NSD2: variants seen among roughly 807,000 people sequenced by gnomAD.
The protein encoded by NSD2 is histone-lysine N-methyltransferase NSD2.
A neutral mutation model predicts 139.0 loss-of-function variants in NSD2; 12 were observed. That is an observed-to-expected ratio of 0.09 (90% CI 0.06 to 0.14). NSD2 has a LOEUF of 0.14. NSD2 is among the 10% of genes least tolerant of loss of function. The probability of loss-of-function intolerance (pLI) is 1.00; values close to 1 mark genes in which losing one functional copy is unlikely to be tolerated. For synonymous variants in NSD2, 669 were observed against 648.7 expected (o/e 1.03, Z -0.48); for missense variants, 1,155 against 1,745.0 (o/e 0.66, Z 6.02).
chr4:1,886,427 G>C (rs1715116092), intron 1 of NSD2, among the ~76,000 whole-genome samples: 1 of 152,126 alleles, frequency 6.6e-6, no homozygotes, highest in African/African-American at 2.4e-5. Context: ...GGCTGGTCTT[G>C]AACTCCTGGC....
chr4:1,907,519 T>A (rs1372446013), intron 3 of NSD2, among the ~76,000 whole-genome samples: 2 of 152,000 alleles, frequency 1.3e-5, no homozygotes, highest in South Asian at 2.1e-4. Context: ...TAATCTATTT[T>A]AAAAACTTTC....
At chr4:1,964,317 A>T (rs565529207) in intron 18 of NSD2, among the ~76,000 whole-genome samples, 1 of 152,264 alleles carries the variant, frequency 6.6e-6, no homozygotes, top group South Asian at 2.1e-4. Flanking sequence ...CTGTGTCCCC[A>T]CCTAGACCAC....
At chr4:1,871,849 T>TGCGGGCG (rs1713797883) in intron 1 of NSD2, among the ~76,000 whole-genome samples, 1 of 95,094 alleles carries the variant, frequency 1.1e-5, no homozygotes, top group Non-Finnish European at 2.2e-5. Context: ...GGCGGCGGCC[T>TGCGGGCG]GCGGGCGGCG....
chr4:1,941,007 T>A, intron 9 of NSD2: 1 of 1,058,022 alleles, frequency 9.5e-7, no homozygotes, highest in Non-Finnish European at 1.1e-6. Context: ...TACAGTTTGA[T>A]ACGTGTAGAT....
Position 1,974,038 on chromosome 4 carries a change from C to T in NSD2, c.3373-825C>T, listed in dbSNP as rs58262875. On this transcript the variant is annotated intron_variant, in intron 18 of 21. Transcript: ENST00000508803. The surrounding 1 kb of genome is among the most constrained non-coding windows in gnomAD (Gnocchi z 4.0). ...CGTGGCCCTTATCAGGTTGCTGCCTCGAAAGCCTTCCTGCCGGCCCTGCAG... is the reference window on the plus strand; with the variant it reads ...CGTGGCCCTTATCAGGTTGCTGCCTTGAAAGCCTTCCTGCCGGCCCTGCAG... 2.9e-3 allele frequency among the ~76,000 whole-genome samples: 439 copies of T among 152,224 alleles called. 1 individual carries two copies. The highest frequency in any genetic ancestry group is 1.0e-2 in the African/African-American group (415 of 41,528).
In NSD2 at chr4:1,942,810, C is replaced by T. The variant is rs1723234238; in HGVS notation, c.1881+3032C>T. ...GTCGCTACCCTCAGAAACAAACTAA[C>T]AGCACACGTTAGGAGGAGTCCTCAT... is the stretch of plus-strand genomic sequence containing the variant. On this transcript the variant is annotated intron_variant, in intron 9 of 21. Transcript: ENST00000508803. The surrounding 1 kb of genome is among the most constrained non-coding windows in gnomAD (Gnocchi z 4.0). The T allele has an allele frequency of 9.3e-7, 1 of 1,076,020 alleles. No homozygotes were observed. Among genetic ancestry groups the T allele is most frequent in the African/African-American group, 1.6e-5 (1 of 61,162 alleles). The allele number at this position is 1,076,020 out of a possible 1,614,324, so 66.7% of individuals were successfully genotyped here.
chr4:1,956,703 CACTGGAGGA>C lies in NSD2; in HGVS notation c.2881+530_2881+538del, dbSNP rs371640889. Among the ~76,000 whole-genome samples the C allele has an allele frequency of 2.0e-4, 31 of 152,284 alleles. No individual in the cohort carries two copies. Among genetic ancestry groups the C allele is most frequent in the African/African-American group, 5.8e-4 (24 of 41,552 alleles). On this transcript the variant is annotated intron_variant, in intron 15 of 21. Transcript: ENST00000508803. The surrounding 1 kb of genome is among the most constrained non-coding windows in gnomAD (Gnocchi z 5.3). Reference sequence around the variant, plus strand: ...GAGGCAGGATGGGGATGTGACCCTTCACTGGAGGAACTGGAGGAACTGGTATTTATGATC... The same window carrying C: ...GAGGCAGGATGGGGATGTGACCCTTCACTGGAGGAACTGGTATTTATGATC...
chr4:1,918,880 GCT>G lies in NSD2; in HGVS notation c.1410+259_1410+260del, dbSNP rs1172609716. On this transcript the variant is annotated intron_variant, in intron 5 of 21. Transcript: ENST00000508803. ...TACCGAGAACAGGCCAGGCACAGTGGCTCATGCCTGTAATTTCAGTACTTTGG... is the reference window on the plus strand; with the variant it reads ...TACCGAGAACAGGCCAGGCACAGTGGCATGCCTGTAATTTCAGTACTTTGG... 20 of 366,562 alleles carry G rather than the reference GCT, an allele frequency of 5.5e-5. No individual in the cohort carries two copies. The East Asian group carries it at 1.0e-3, about 19-fold the overall frequency. The allele number at this position is 366,562 out of a possible 1,614,324, so 22.7% of individuals were successfully genotyped here.
chr4:1,924,614 TAAA>T (rs1452035703), intron 5 of NSD2, among the ~76,000 whole-genome samples: 2 of 151,996 alleles, frequency 1.3e-5, no homozygotes, highest in African/African-American at 4.8e-5. Flanking sequence ...GGTATACAGT[TAAA>T]ACTGAGTTCT....
intron 18 of NSD2, among the ~76,000 whole-genome samples, chr4:1,964,046 A>C (rs151337221): frequency 6.6e-6 from 1 of 152,302 alleles, no homozygotes; most frequent in Non-Finnish European, 1.5e-5. Flanking sequence ...ACGTTTACAA[A>C]GCGCAATAGA....
intron 9 of NSD2, chr4:1,944,846 C>T (rs1025996312): frequency 9.4e-6 from 10 of 1,063,518 alleles, no homozygotes; most frequent in Non-Finnish European, 1.1e-5. Context: ...ATACTGACTC[C>T]AGGTGTAGTT....
intron 18 of NSD2, among the ~76,000 whole-genome samples, chr4:1,971,404 CTGACGG>C (rs1450722817): frequency 1.3e-5 from 2 of 152,208 alleles, no homozygotes; most frequent in Non-Finnish European, 2.9e-5. Flanking sequence ...GTGAATACAG[CTGACGG>C]TGAGTTCACC....
chr4:1,932,214 A>G (rs747631291), intron 6 of NSD2, among the ~76,000 whole-genome samples: 1 of 152,052 alleles, frequency 6.6e-6, no homozygotes, highest in Admixed American at 6.6e-5. Flanking sequence ...AGGTGGGTGG[A>G]TCACTTGAGG....
chr4:1,914,720 G>A (rs1245950580), intron 3 of NSD2, among the ~76,000 whole-genome samples: 2 of 152,160 alleles, frequency 1.3e-5, no homozygotes, highest in Non-Finnish European at 1.5e-5. Context: ...AATTTTGAAG[G>A]TATTACTCCA....
At chr4:1,962,265 A>T (rs1725445331) in intron 18 of NSD2, among the ~76,000 whole-genome samples, 1 of 152,246 alleles carries the variant, frequency 6.6e-6, no homozygotes, top group African/African-American at 2.4e-5. Context: ...CATGAAGGAC[A>T]AAAAGAATCC....
chr4:1,963,285 C>T (rs1725551282), intron 18 of NSD2, among the ~76,000 whole-genome samples: 1 of 151,876 alleles, frequency 6.6e-6, no homozygotes, highest in African/African-American at 2.4e-5. Context: ...TGTGTTTTAA[C>T]CCTCATGTGG....
chr4:1,872,629 A>AGAGAGC (rs1553856464), intron 1 of NSD2, among the ~76,000 whole-genome samples: 33 of 142,690 alleles, frequency 2.3e-4, no homozygotes, highest in African/African-American at 8.5e-4. Context: ...AGAGAGAGAG[A>AGAGAGC]GAGAGAGCGC....
In NSD2 at chr4:1,956,942, A is replaced by G. The variant is rs540871147; in HGVS notation, c.2881+754A>G. On this transcript the variant is annotated intron_variant, in intron 15 of 21. Coordinates refer to ENST00000508803, the MANE Select transcript of NSD2 (RefSeq NM_001042424.3). This position sits in a 1 kb window ranked among gnomAD's most constrained non-coding sequence, Gnocchi z 5.3. ...TGAGTGGTAGGAGTGCATGGTGGGC[A>G]TTCAGAGATCTCATAAAGAATGGGT... 6.6e-6 allele frequency among the ~76,000 whole-genome samples: 1 copy of G among 152,246 alleles called. No individual in the cohort carries two copies. The highest frequency in any genetic ancestry group is 1.5e-5 in the Non-Finnish European group (1 of 68,044).
chr4:1,888,597 C>G (rs1271607556), intron 1 of NSD2, among the ~76,000 whole-genome samples: 1 of 151,762 alleles, frequency 6.6e-6, no homozygotes, highest in East Asian at 1.9e-4. Flanking sequence ...GACTGAGTCT[C>G]ACTCTGTCAC....
Sources: allele counts gnomAD v4.1 joint callset (sites outside exome capture counted in the v4.1 genomes callset), GRCh38; gene constraint gnomAD v4.1.1; non-coding constraint Gnocchi (gnomAD v3.1); transcripts MANE v1.5; gene names NCBI Gene and HGNC (gene_info 2026-07-23, HGNC 2026-07-21).